RHOT1: variants seen among roughly 807,000 people sequenced by gnomAD.
RHOT1 encodes ras homolog family member T1.
Under a neutral mutation model 95.3 loss-of-function variants are expected in RHOT1, and 27 were observed. That is an observed-to-expected ratio of 0.28 (90% CI 0.21 to 0.39). The LOEUF (loss-of-function observed/expected upper bound fraction) is 0.39, where lower values mean the gene tolerates loss of function less well. Ranked by LOEUF, RHOT1 falls within the 10% of genes least tolerant of loss-of-function variation. The probability of loss-of-function intolerance (pLI) is 1.00; values close to 1 mark genes in which losing one functional copy is unlikely to be tolerated. For synonymous variants in RHOT1, 227 were observed against 263.5 expected (o/e 0.86, Z 1.34); for missense variants, 578 against 786.7 (o/e 0.73, Z 3.17).
intron 6 of RHOT1, among the ~76,000 whole-genome samples, chr17:32,181,235 T>C (rs1331753904): frequency 6.6e-6 from 1 of 152,202 alleles, no homozygotes; most frequent in African/African-American, 2.4e-5. Flanking sequence ...TTAAGATTTT[T>C]CCCCACAGAC....
intron 1 of RHOT1, 33 bp from the exon 2 acceptor site, chr17:32,171,010 A>G: frequency 6.5e-7 from 1 of 1,534,172 alleles, no homozygotes; most frequent in South Asian, 1.2e-5. Flanking sequence ...AGAACCTAAC[A>G]CTTTATTAAA....
chr17:32,176,744 C>T (rs528251436), intron 6 of RHOT1, among the ~76,000 whole-genome samples: 1 of 151,754 alleles, frequency 6.6e-6, no homozygotes, highest in East Asian at 1.9e-4. Flanking sequence ...GGCTAATTTT[C>T]GTATTTTTTA....
intron 1 of RHOT1, chr17:32,150,830 G>T: frequency 6.5e-7 from 1 of 1,527,760 alleles, no homozygotes; most frequent in Non-Finnish European, 8.9e-7. Context: ...GGGTCTAAGA[G>T]CTGAGGTGGA....
At position 32,194,121 on chromosome 17, in the gene RHOT1, T is replaced by C. The variant is rs761659571; in HGVS notation, c.869+14T>C. 1.3e-6 allele frequency: 2 copies of C among 1,599,470 alleles called. No individual in the cohort carries two copies. The highest frequency in any genetic ancestry group is 1.1e-5 in the South Asian group (1 of 88,944). Reference sequence around the variant, plus strand: ...TTTGTTCCCCCTGTATGTACCTTTGTTTTTTTTGTTGTTGTTGTTGTTTAA... The same window carrying C: ...TTTGTTCCCCCTGTATGTACCTTTGCTTTTTTTGTTGTTGTTGTTGTTTAA... On this transcript the variant is annotated intron_variant, in intron 11 of 19. Coordinates refer to ENST00000545287, the MANE Select transcript of RHOT1 (RefSeq NM_001033566.3).
chr17:32,147,148 G>A (rs751584580), intron 1 of RHOT1, among the ~76,000 whole-genome samples: 62 of 150,378 alleles, frequency 4.1e-4, no homozygotes, highest in South Asian at 2.1e-3. Flanking sequence ...AGGTTCAAGC[G>A]ATTCTCCTGC....
chr17:32,186,848 G>T (rs2036098539), intron 8 of RHOT1, among the ~76,000 whole-genome samples: 1 of 152,128 alleles, frequency 6.6e-6, no homozygotes, highest in Non-Finnish European at 1.5e-5. Flanking sequence ...TTTTTGTAAA[G>T]AGGGGGTCTC....
intron 1 of RHOT1, among the ~76,000 whole-genome samples, chr17:32,152,422 C>T (rs2032424155): frequency 6.6e-6 from 1 of 152,162 alleles, no homozygotes; most frequent in Non-Finnish European, 1.5e-5. Context: ...ATGGGAAAAG[C>T]AGAAGGAGAC....
chr17:32,212,697 C>G (rs1286344228), intron 19 of RHOT1, among the ~76,000 whole-genome samples: 1 of 151,800 alleles, frequency 6.6e-6, no homozygotes, highest in Non-Finnish European at 1.5e-5. Flanking sequence ...AAATGTTTTC[C>G]CTATAACTTT....
chr17:32,183,062 C>G (rs1237269811), intron 7 of RHOT1, 109 bp from the exon 8 acceptor site: 3 of 898,114 alleles, frequency 3.3e-6, no homozygotes, highest in Non-Finnish European at 5.1e-6. Context: ...CACAAAGATG[C>G]ATTTTTCGTT....
At chr17:32,188,268 A>G (rs1412698728) in intron 8 of RHOT1, among the ~76,000 whole-genome samples, 1 of 152,266 alleles carries the variant, frequency 6.6e-6, no homozygotes, top group Non-Finnish European at 1.5e-5. Context: ...TTACAGTTCC[A>G]GCATCATCTT....
chr17:32,145,277 G>A (rs2031139894), intron 1 of RHOT1, among the ~76,000 whole-genome samples: 1 of 152,050 alleles, frequency 6.6e-6, no homozygotes, highest in Non-Finnish European at 1.5e-5. Flanking sequence ...TCCAACCTGG[G>A]GGACAGAGTG....
chr17:32,196,387 T>C (rs1250528306), intron 11 of RHOT1, among the ~76,000 whole-genome samples: 4 of 152,148 alleles, frequency 2.6e-5, no homozygotes, highest in African/African-American at 9.7e-5. Context: ...AGATGAGGTC[T>C]CCCTTTGTTG....
chr17:32,150,607 G>A, intron 1 of RHOT1: 19 of 1,587,224 alleles, frequency 1.2e-5, no homozygotes, highest in Non-Finnish European at 1.6e-5. Context: ...CTGGTACTTT[G>A]TGAGTGAGAG....
chr17:32,152,056 A>G (rs1381407899), intron 1 of RHOT1, among the ~76,000 whole-genome samples: 1 of 152,200 alleles, frequency 6.6e-6, no homozygotes, highest in Non-Finnish European at 1.5e-5. Context: ...AAGGCAGGAT[A>G]TGAATAAATT....
intron 1 of RHOT1, among the ~76,000 whole-genome samples, chr17:32,149,635 A>ATATATATATATATATATATGTG (rs1445281403): frequency 1.7e-5 from 1 of 59,098 alleles, no homozygotes; most frequent in Non-Finnish European, 3.4e-5. Context: ...ATATATATAT[A>ATATATATATATATATATATGTG]TGTGTGTGTG....
intron 19 of RHOT1, among the ~76,000 whole-genome samples, chr17:32,218,237 C>G (rs1227866411): frequency 6.6e-6 from 1 of 151,970 alleles, no homozygotes; most frequent in African/African-American, 2.4e-5. Flanking sequence ...GCGTCTAATC[C>G]CAGCACTTTG....
chr17:32,168,594 AAC>A (rs1427222929), intron 1 of RHOT1, among the ~76,000 whole-genome samples: 3 of 149,682 alleles, frequency 2.0e-5, no homozygotes, highest in Non-Finnish European at 3.0e-5. Context: ...CACACACACA[AAC>A]ACATATATGT....
At chr17:32,194,810 TTG>T (rs1265626741) in intron 11 of RHOT1, among the ~76,000 whole-genome samples, 5 of 151,880 alleles carry the variant, frequency 3.3e-5, no homozygotes, top group East Asian at 1.9e-4. Flanking sequence ...ACTGGTCTAT[TTG>T]TGGTTCTTTT....
intron 8 of RHOT1, among the ~76,000 whole-genome samples, chr17:32,189,226 G>T (rs565145424): frequency 9.2e-5 from 14 of 152,240 alleles, no homozygotes; most frequent in African/African-American, 3.1e-4. Context: ...ATGAACCCAG[G>T]AGACGGAGCT....
Sources: allele counts gnomAD v4.1 joint callset (sites outside exome capture counted in the v4.1 genomes callset), GRCh38; gene constraint gnomAD v4.1.1; transcripts MANE v1.5; gene names NCBI Gene and HGNC (gene_info 2026-07-23, HGNC 2026-07-21).